The following CEP350 variants were observed in gnomAD, a reference collection of about 807,000 sequenced individuals.
CEP350 encodes the protein centrosomal protein 350.
Under a neutral mutation model 331.8 loss-of-function variants are expected in CEP350, and 126 were observed. That is an observed-to-expected ratio of 0.38 (90% CI 0.33 to 0.44). CEP350 has a LOEUF of 0.44. CEP350 is among the 20% of genes least tolerant of loss of function. CEP350 has a pLI of 1.00. For synonymous variants in CEP350, 1,200 were observed against 1,259.5 expected (o/e 0.95, Z 1.00); for missense variants, 3,406 against 3,634.6 (o/e 0.94, Z 1.62).
intron 33 of CEP350, among the ~76,000 whole-genome samples, chr1:180,091,325 A>G (rs1194049079): frequency 6.6e-6 from 1 of 152,088 alleles, no homozygotes; most frequent in Non-Finnish European, 1.5e-5. Flanking sequence ...TATGGGCATG[A>G]GCCACCACAC....
chr1:180,000,271 CG>C (rs764377519), intron 6 of CEP350, among the ~76,000 whole-genome samples: 5 of 150,600 alleles, frequency 3.3e-5, no homozygotes, highest in Non-Finnish European at 5.9e-5. Context: ...AAATGTTGAG[CG>C]GTGGGATTAG....
chr1:180,081,427 CTATT>C (rs1411263019), intron 30 of CEP350, among the ~76,000 whole-genome samples: 2 of 152,076 alleles, frequency 1.3e-5, no homozygotes, highest in African/African-American at 4.8e-5. Context: ...CTAGTGATGG[CTATT>C]TAGATTTTCT....
chr1:180,007,353 A>G (rs1654328328), intron 8 of CEP350, among the ~76,000 whole-genome samples: 1 of 152,134 alleles, frequency 6.6e-6, no homozygotes, highest in Non-Finnish European at 1.5e-5. Flanking sequence ...CATTTCTCTA[A>G]TGACCAGTGA....
At position 180,094,015 on chromosome 1, in the gene CEP350, C is replaced by A; in HGVS notation, c.7910C>A (p.Thr2637Lys). Reference protein sequence around the residue: ...VNRSRSLKIETDNVQDISGVL... With the variant: ...VNRSRSLKIEKDNVQDISGVL... ...AGAAGTAGAAGCCTTAAAATAGAAACAGACAATGTACAGGACATTTCTGGG... is the reference window on the plus strand; with the variant it reads ...AGAAGTAGAAGCCTTAAAATAGAAAAAGACAATGTACAGGACATTTCTGGG... Residue 2637 changes from threonine (T) to lysine (K), a missense_variant, in exon 34 of 38, where the codon ACA (threonine) becomes AAA (lysine). By Grantham distance (78) the Thr-to-Lys change is moderately conservative (BLOSUM62 -1). Transcript: ENST00000367607. 1 of 1,613,726 alleles carries A rather than the reference C, an allele frequency of 6.2e-7. No individual in the cohort carries two copies. Among genetic ancestry groups the A allele is most frequent in the Non-Finnish European group, 8.5e-7 (1 of 1,179,730 alleles).
intron 22 of CEP350, among the ~76,000 whole-genome samples, chr1:180,050,791 C>T (rs1302058975): frequency 2.7e-5 from 4 of 150,866 alleles, no homozygotes; most frequent in Non-Finnish European, 5.9e-5. Context: ...GGCACATAGA[C>T]ACAGGAAAAA....
At chr1:180,096,927 G>A (rs756876939) in intron 36 of CEP350, among the ~76,000 whole-genome samples, 2 of 152,202 alleles carry the variant, frequency 1.3e-5, no homozygotes, top group African/African-American at 4.8e-5. Flanking sequence ...TAGGTCTGGA[G>A]TAGGACCTGA....
At chr1:179,989,225 C>T (rs1178515192) in intron 3 of CEP350, among the ~76,000 whole-genome samples, 2 of 151,368 alleles carry the variant, frequency 1.3e-5, no homozygotes, top group Admixed American at 6.6e-5. Flanking sequence ...GGCTGAGGCA[C>T]GTCAATCACT....
chr1:180,031,303 A>G lies in CEP350; in HGVS notation c.3551-17A>G. 3 of 1,529,216 alleles carry G rather than the reference A, an allele frequency of 2.0e-6. No homozygotes were observed. Among genetic ancestry groups the G allele is most frequent in the Non-Finnish European group, 2.7e-6 (3 of 1,116,418 alleles). 94.7% of individuals were successfully genotyped at this position (1,529,216 alleles called of 1,614,324 possible). A position where few individuals can be genotyped will look rare whatever the true frequency, so the allele number is the denominator to read the frequency against. ...TCTAATATTGGGAATCAGCTTTATA[A>G]GAAATTTACTTTACAGGGTTGGATT... is the stretch of plus-strand genomic sequence containing the variant. On this transcript the variant is annotated splice_polypyrimidine_tract_variant and intron_variant, in intron 14 of 37. Transcript: ENST00000367607.
chr1:180,022,009 C>T (rs568144805), intron 12 of CEP350, among the ~76,000 whole-genome samples: 18 of 152,170 alleles, frequency 1.2e-4, no homozygotes, highest in African/African-American at 4.1e-4. Context: ...TTAGAATTTC[C>T]GGATTGGAAA....
intron 4 of CEP350, 47 bp from the exon 5 acceptor site, chr1:179,992,015 A>G (rs1441506659): frequency 4.1e-6 from 6 of 1,465,538 alleles, no homozygotes. Flanking sequence ...ATTCAGAGGC[A>G]GTTGTATTTT....
intron 15 of CEP350, 60 bp from the exon 16 acceptor site, chr1:180,033,802 T>A: frequency 6.7e-7 from 1 of 1,503,668 alleles, no homozygotes; most frequent in East Asian, 2.3e-5. Context: ...TTTGAATTAT[T>A]TAGCTGGTTT....
At chr1:180,066,420 C>T (rs1042424416) in intron 27 of CEP350, among the ~76,000 whole-genome samples, 10 of 152,176 alleles carry the variant, frequency 6.6e-5, no homozygotes. Flanking sequence ...CAGTATACCA[C>T]ACATCACCAA....
chr1:180,078,459 C>G lies in CEP350; in HGVS notation c.5768-4C>G. ...TTTTTCTTGTTTTCACCTTCTCTGT[C>G]TAGAAATAGCAAGTGAAGAGGAATC... On this transcript the variant is annotated splice_polypyrimidine_tract_variant and splice_region_variant and intron_variant, in intron 28 of 37. Coordinates refer to ENST00000367607, the MANE Select transcript of CEP350 (RefSeq NM_014810.5). 6.2e-7 allele frequency: 1 copy of G among 1,603,426 alleles called. No individual in the cohort carries two copies.
chr1:180,081,579 T>C (rs1659568774), intron 30 of CEP350, among the ~76,000 whole-genome samples: 1 of 152,212 alleles, frequency 6.6e-6, no homozygotes, highest in Non-Finnish European at 1.5e-5. Flanking sequence ...ATTTCATCAT[T>C]ATATGAACTG....
chr1:180,058,448 C>G (rs1486669819), intron 25 of CEP350, among the ~76,000 whole-genome samples: 2 of 152,022 alleles, frequency 1.3e-5, no homozygotes, highest in African/African-American at 2.4e-5. Context: ...CAGTATTATA[C>G]CAGTCATATA....
Position 179,986,191 on chromosome 1 carries a change from A to C in CEP350, c.10A>C (p.Ser4Arg). 1.3e-6 allele frequency: 2 copies of C among 1,551,476 alleles called. No homozygotes were observed. Residue 4 changes from serine to arginine, a missense_variant, in exon 2 of 38, where the codon AGC (serine) becomes CGC (arginine). Coordinates refer to ENST00000367607, the MANE Select transcript of CEP350 (RefSeq NM_014810.5). MRS[S>R]KSKEVPLPNP... ...CAGGTAAATTGGCAGGATGAGGAGC[A>C]GCAAATCAAAAGAGGTGCCTTTACC...
At position 179,954,842 on chromosome 1, in the gene CEP350, C is replaced by T. The variant is rs576913916; in HGVS notation, c.-314C>T. 12 of 433,698 alleles carry T rather than the reference C, an allele frequency of 2.8e-5. No homozygotes were observed. In the South Asian group the frequency reaches 4.0e-4, roughly 14 times the overall value. The allele number at this position is 433,698 out of a possible 1,614,324, so 26.9% of individuals were successfully genotyped here. A position where few individuals can be genotyped will look rare whatever the true frequency, so the allele number is the denominator to read the frequency against. ...GGGCTGTAATGGCGACTGGGCCGCCCCTGACGAAGTGACTCCCGGGCCGGG... is the reference window on the plus strand; with the variant it reads ...GGGCTGTAATGGCGACTGGGCCGCCTCTGACGAAGTGACTCCCGGGCCGGG... On this transcript the variant is annotated 5_prime_UTR_variant, in exon 1 of 38. Transcript: ENST00000367607.
At chr1:180,037,793 G>A (rs1396649135) in intron 17 of CEP350, among the ~76,000 whole-genome samples, 1 of 152,046 alleles carries the variant, frequency 6.6e-6, no homozygotes, top group Non-Finnish European at 1.5e-5. Flanking sequence ...GGGACTACAG[G>A]TGCCCGCCAC....
At chr1:179,973,172 A>G (rs1457124808) in intron 1 of CEP350, among the ~76,000 whole-genome samples, 1 of 152,192 alleles carries the variant, frequency 6.6e-6, no homozygotes, top group Non-Finnish European at 1.5e-5. Flanking sequence ...CGGCCGCAAT[A>G]GGTACAACAT....
Sources: gnomAD v4.1 joint callset for allele counts (sites outside exome capture counted in the v4.1 genomes callset) on GRCh38, gnomAD v4.1.1 for gene constraint, MANE v1.5 for transcripts, NCBI Gene and HGNC (gene_info 2026-07-23, HGNC 2026-07-21) for gene names.